Variants in MYO3B observed in about 807,000 individuals in gnomAD.
MYO3B encodes the protein myosin-IIIb.
Under a neutral mutation model 174.6 loss-of-function variants are expected in MYO3B, and 156 were observed. The observed-to-expected ratio is 0.89, with a 90% CI of 0.78 to 1.02. MYO3B has a LOEUF of 1.02. Ranked by LOEUF, MYO3B falls within the 50% of genes least tolerant of loss-of-function variation. The pLI is 0.00. For missense variants in MYO3B, 1,632 were observed against 1,639.4 expected (o/e 1.00, Z 0.08); for synonymous variants, 563 against 569.1 (o/e 0.99, Z 0.15).
At chr2:170,432,029 T>C (rs1292076587) in intron 22 of MYO3B, among the ~76,000 whole-genome samples, 1 of 152,244 alleles carries the variant, frequency 6.6e-6, no homozygotes, top group African/African-American at 2.4e-5. Context: ...GTATAAAATA[T>C]AACAGATACA....
At chr2:170,399,311 A>G (rs904205126) in intron 16 of MYO3B, among the ~76,000 whole-genome samples, 1 of 146,902 alleles carries the variant, frequency 6.8e-6, no homozygotes, top group Non-Finnish European at 1.5e-5. Flanking sequence ...CGTCTCTACT[A>G]AAAAATACCA....
intron 23 of MYO3B, among the ~76,000 whole-genome samples, chr2:170,452,836 G>A (rs959909358): frequency 2.0e-5 from 3 of 152,066 alleles, no homozygotes; most frequent in African/African-American, 7.2e-5. Context: ...TCAATAAATG[G>A]CAAAAAGTTA....
intron 32 of MYO3B, among the ~76,000 whole-genome samples, chr2:170,564,312 A>G (rs935713160): frequency 2.6e-5 from 4 of 152,104 alleles, no homozygotes; most frequent in African/African-American, 7.2e-5. Flanking sequence ...ATCTCTACTA[A>G]AAATACAAAA....
rs114637532 is a variant in MYO3B at position 170,476,753 on chromosome 2, T to A, written c.3014+10042T>A. ...AATTTTTTGGGTGCAAAAACAGGAA[T>A]ACCTGTCCTTATTTAGGGCCATGGG... On this transcript the variant is annotated intron_variant, in intron 25 of 34. Coordinates refer to ENST00000408978, the MANE Select transcript of MYO3B (RefSeq NM_138995.5). Among the ~76,000 whole-genome samples the A allele has an allele frequency of 5.7e-3, 870 of 152,168 alleles. 6 individuals are homozygous for A. The highest frequency in any genetic ancestry group is 0.02 in the African/African-American group (832 of 41,532).
intron 28 of MYO3B, among the ~76,000 whole-genome samples, chr2:170,509,016 G>T (rs902076176): frequency 1.5e-5 from 2 of 137,360 alleles, no homozygotes; most frequent in African/African-American, 6.3e-5. Context: ...ACTTCACTGG[G>T]GGGGAAAAAA....
chr2:170,356,450 C>T (rs1420867447), intron 8 of MYO3B, among the ~76,000 whole-genome samples: 3 of 152,120 alleles, frequency 2.0e-5, no homozygotes, highest in East Asian at 3.9e-4. Flanking sequence ...GTAACCTCTG[C>T]TTCCTGGGTT....
intron 32 of MYO3B, among the ~76,000 whole-genome samples, chr2:170,566,652 T>G (rs1692095678): frequency 6.6e-6 from 1 of 152,128 alleles, no homozygotes; most frequent in Non-Finnish European, 1.5e-5. Flanking sequence ...AATATTGAAA[T>G]CTCTGGAGTT....
intron 8 of MYO3B, among the ~76,000 whole-genome samples, chr2:170,347,775 C>A (rs1052074415): frequency 1.3e-5 from 2 of 152,082 alleles, no homozygotes; most frequent in Non-Finnish European, 2.9e-5. Context: ...AAATATTAAC[C>A]GTCTAAAAGT....
At chr2:170,578,830 C>T (rs1455545690) in intron 32 of MYO3B, among the ~76,000 whole-genome samples, 1 of 152,192 alleles carries the variant, frequency 6.6e-6, no homozygotes, top group Non-Finnish European at 1.5e-5. Flanking sequence ...ACGCAGAGGG[C>T]CTTGAAACCT....
At chr2:170,332,603 A>G (rs1328600472) in intron 7 of MYO3B, among the ~76,000 whole-genome samples, 1 of 152,206 alleles carries the variant, frequency 6.6e-6, no homozygotes, top group Admixed American at 6.5e-5. Context: ...TTACTGAACC[A>G]AAGTAGGATG....
At chr2:170,547,525 A>T (rs1690601409) in intron 32 of MYO3B, among the ~76,000 whole-genome samples, 1 of 152,210 alleles carries the variant, frequency 6.6e-6, no homozygotes, top group Admixed American at 6.5e-5. Flanking sequence ...GCAAATGGTT[A>T]TACTTTAGGC....
intron 1 of MYO3B, among the ~76,000 whole-genome samples, chr2:170,192,301 A>AT (rs11340052): frequency 6.6e-6 from 1 of 150,464 alleles, no homozygotes. Flanking sequence ...TTTGGGTTCA[A>AT]TTTTTTTTAT....
In MYO3B at chr2:170,402,993, C is replaced by T; in HGVS notation, c.2275C>T (p.Gln759Ter). 6.3e-7 allele frequency: 1 copy of T among 1,589,602 alleles called. No individual in the cohort carries two copies. Among genetic ancestry groups the T allele is most frequent in the Non-Finnish European group, 8.6e-7 (1 of 1,161,790 alleles). ...YFNQHVFALE[Q>*]MEYQNEGIDA... ...CAATCAGCATGTTTTTGCTCTTGAG[C>T]AGGTAATAGTGAACTCTGAGGTAAC... The change falls in exon 19 of 35, where the codon CAG becomes TAG. Residue 759 changes from glutamine (Q) to a stop codon, truncating the protein, a stop_gained and splice_region_variant. Coordinates refer to ENST00000408978, the MANE Select transcript of MYO3B (RefSeq NM_138995.5). LOFTEE classifies it high-confidence loss of function.
Position 170,562,061 on chromosome 2 carries a change from C to A in MYO3B, c.3733+18073C>A, listed in dbSNP as rs189857967. ...GATTTAAAAAATTACTTGGCCATTG[C>A]TCAATTTTTCATATTTAATAGAAAC... On this transcript the variant is annotated intron_variant, in intron 32 of 34. Transcript: ENST00000408978. Among the ~76,000 whole-genome samples the A allele has an allele frequency of 4.6e-3, 701 of 152,138 alleles. 1 individual carries two copies. Among genetic ancestry groups the A allele is most frequent in the Non-Finnish European group, 8.1e-3 (554 of 67,986 alleles).
In MYO3B at chr2:170,440,618, T is replaced by C. The variant is rs999324579; in HGVS notation, c.2651-3349T>C. ...ATGCAACTGAATTAGCTGGGATTGG[T>C]GGCGCGTGCCTCTAATCCCAGCTAC... On this transcript the variant is annotated intron_variant, in intron 22 of 34. Coordinates refer to ENST00000408978, the MANE Select transcript of MYO3B (RefSeq NM_138995.5). Among the ~76,000 whole-genome samples, 6 of 151,884 alleles carry C rather than the reference T, an allele frequency of 4.0e-5. No homozygotes were observed. In the East Asian group the frequency reaches 1.2e-3, roughly 30 times the overall value.
At position 170,369,156 on chromosome 2, in the gene MYO3B, C is replaced by T. The variant is rs2094220315; in HGVS notation, c.816-66C>T. ...GAGCTTTTACCTTCTCTCCATCTCC[C>T]ATATTCATAGGGGAACAGGGTGTCT... On this transcript the variant is annotated intron_variant, in intron 8 of 34. Transcript: ENST00000408978. The T allele has an allele frequency of 2.0e-6, 3 of 1,464,366 alleles. No homozygotes were observed. In the Admixed American group the frequency reaches 5.7e-5, roughly 28 times the overall value. The allele number at this position is 1,464,366 out of a possible 1,614,324, so 90.7% of individuals were successfully genotyped here.
chr2:170,599,140 T>C (rs1447303295), intron 32 of MYO3B, among the ~76,000 whole-genome samples: 1 of 152,198 alleles, frequency 6.6e-6, no homozygotes, highest in Non-Finnish European at 1.5e-5. Context: ...CATTTCACCC[T>C]ACAAGACATT....
Position 170,495,341 on chromosome 2 carries a change from CAT to C in MYO3B, c.3015-3248_3015-3247del, listed in dbSNP as rs575255720. Among the ~76,000 whole-genome samples the C allele has an allele frequency of 1.0e-3, 159 of 152,216 alleles. 1 individual carries two copies. Among genetic ancestry groups the C allele is most frequent in the Non-Finnish European group, 1.7e-3 (116 of 67,992 alleles). ...ATCCAAAATTATTCCGTGAAGGAAA[CAT>C]ATTATGCTTTTCTTACTTGATTACT... On this transcript the variant is annotated intron_variant, in intron 25 of 34. Coordinates refer to ENST00000408978, the MANE Select transcript of MYO3B (RefSeq NM_138995.5).
chr2:170,536,297 T>G (rs1242402373), intron 30 of MYO3B, among the ~76,000 whole-genome samples: 2 of 152,254 alleles, frequency 1.3e-5, no homozygotes, highest in Non-Finnish European at 2.9e-5. Context: ...CATCAGCCTT[T>G]TTGAGCCCTT....
Sources: allele counts gnomAD v4.1 joint callset (sites outside exome capture counted in the v4.1 genomes callset), GRCh38; gene constraint gnomAD v4.1.1; transcripts MANE v1.5; gene names NCBI Gene and HGNC (gene_info 2026-07-23, HGNC 2026-07-21).